The following TOX variants were observed in gnomAD, a reference collection of about 807,000 sequenced individuals.
TOX encodes the protein thymocyte selection associated high mobility group box.
TOX carries 11 observed loss-of-function variants against 53.7 expected under a neutral mutation model. The ratio of observed to expected loss-of-function variants is 0.20; its 90% confidence interval spans 0.13 to 0.34. The LOEUF (loss-of-function observed/expected upper bound fraction) is 0.34. Ranked by LOEUF, TOX falls within the 10% of genes least tolerant of loss-of-function variation. TOX has a pLI of 1.00. For synonymous variants in TOX, 225 were observed against 245.3 expected, an observed-to-expected ratio of 0.92 and a Z score of 0.77; for missense variants, 570 against 664.6, an observed-to-expected ratio of 0.86 and a Z score of 1.56.
chr8:58,837,597 C>A (rs939477031), intron 5 of TOX, among the ~76,000 whole-genome samples: 4 of 152,156 alleles, frequency 2.6e-5, no homozygotes, highest in Non-Finnish European at 5.9e-5. Flanking sequence ...GGTGTAAATA[C>A]ATTTGGGGGA....
At chr8:59,101,477 A>G (rs3097194) in intron 1 of TOX, among the ~76,000 whole-genome samples, 1,641 of 152,276 alleles carry the variant, frequency 0.011, 20 homozygotes, top group Middle Eastern at 0.041. Flanking sequence ...CTTAGTCATT[A>G]ATTTTTCATT....
intron 3 of TOX, among the ~76,000 whole-genome samples, chr8:58,855,536 C>T (rs1444443946): frequency 1.3e-5 from 2 of 152,170 alleles, no homozygotes; most frequent in African/African-American, 2.4e-5. Flanking sequence ...TTATTTCCAT[C>T]TGCCCTTCCA....
At position 59,069,602 on chromosome 8, in the gene TOX, C is replaced by G. The variant is rs150157824; in HGVS notation, c.102+49284G>C. On this transcript the variant is annotated intron_variant, in intron 1 of 8. Coordinates refer to ENST00000361421, the MANE Select transcript of TOX (RefSeq NM_014729.3). ...AGACCAGCCCCAGGGAATGTCGGCA[C>G]TTATGATGATGGCTCTTAACCACAC... 1.6e-4 allele frequency among the ~76,000 whole-genome samples: 24 copies of G among 152,296 alleles called. No homozygotes were observed. In the East Asian group the frequency reaches 4.4e-3, roughly 28 times the overall value.
intron 3 of TOX, among the ~76,000 whole-genome samples, chr8:58,894,267 T>C (rs12675853): frequency 0.95 from 144,402 of 152,300 alleles, 68,533 homozygotes; most frequent in East Asian, 1. Flanking sequence ...GTGCAGGTAC[T>C]GCACAAACAT....
At chr8:59,104,586 T>A (rs1435077894) in intron 1 of TOX, among the ~76,000 whole-genome samples, 1 of 152,216 alleles carries the variant, frequency 6.6e-6, no homozygotes, top group East Asian at 1.9e-4. Flanking sequence ...CCAATTTAAA[T>A]GTTGAATTAT....
intron 1 of TOX, among the ~76,000 whole-genome samples, chr8:59,081,384 T>A (rs1447631504): frequency 6.6e-6 from 1 of 152,148 alleles, no homozygotes; most frequent in Non-Finnish European, 1.5e-5. Context: ...GTTTTCAAGT[T>A]AATTCGGGAT....
chr8:58,989,332 T>C (rs999340924), intron 1 of TOX, among the ~76,000 whole-genome samples: 3 of 151,952 alleles, frequency 2.0e-5, no homozygotes, highest in Non-Finnish European at 4.4e-5. Flanking sequence ...AAAAAAACTT[T>C]AGAAAACATA....
intron 1 of TOX, among the ~76,000 whole-genome samples, chr8:59,022,096 C>A (rs1401204263): frequency 6.6e-6 from 1 of 152,092 alleles, no homozygotes; most frequent in Admixed American, 6.6e-5. Flanking sequence ...TTAAGTTGCA[C>A]CCCTGATTAA....
chr8:58,914,093 T>G (rs554845615), intron 3 of TOX, among the ~76,000 whole-genome samples: 25 of 152,326 alleles, frequency 1.6e-4, no homozygotes, highest in Non-Finnish European at 3.4e-4. Flanking sequence ...AGGAAAACAG[T>G]GAAGGTCATA....
chr8:59,010,933 AT>A (rs1229818184), intron 1 of TOX, among the ~76,000 whole-genome samples: 1 of 152,218 alleles, frequency 6.6e-6, no homozygotes, highest in Non-Finnish European at 1.5e-5. Flanking sequence ...GCATAGCTGA[AT>A]CACAGTCATA....
Position 58,939,542 on chromosome 8 carries a change from G to A in TOX, c.171C>T (p.Ser57=). The A allele has an allele frequency of 6.2e-7, 1 of 1,604,762 alleles. No individual in the cohort carries two copies. Among genetic ancestry groups the A allele is most frequent in the African/African-American group, 1.3e-5 (1 of 74,692 alleles). ...PSQDYVPASQ[S]YPGPSLESED... ...CACTTTCCAGGCTTGGACCAGGGTA[G>A]GACTGTGAAAAGACAAAAGTGACAT... The change falls in exon 3 of 9, where the codon TCC becomes TCT. Residue 57 remains serine (S), a splice_region_variant and synonymous_variant. Transcript: ENST00000361421.
At chr8:58,826,264 A>G (rs1200571834) in intron 6 of TOX, among the ~76,000 whole-genome samples, 1 of 152,226 alleles carries the variant, frequency 6.6e-6, no homozygotes, top group African/African-American at 2.4e-5. Context: ...GAAGAATTCC[A>G]TAACGGGAAT....
chr8:59,074,699 G>A (rs1804262304), intron 1 of TOX, among the ~76,000 whole-genome samples: 1 of 152,146 alleles, frequency 6.6e-6, no homozygotes, highest in Admixed American at 6.5e-5. Flanking sequence ...AAGTTCAGAA[G>A]GAAAATGAGG....
chr8:58,969,231 G>T (rs1029117444), intron 1 of TOX, among the ~76,000 whole-genome samples: 1 of 152,086 alleles, frequency 6.6e-6, no homozygotes, highest in African/African-American at 2.4e-5. Context: ...TTTTTTAAGA[G>T]ATATTTGACA....
chr8:58,935,970 G>C (rs903082191), intron 3 of TOX, among the ~76,000 whole-genome samples: 1 of 152,060 alleles, frequency 6.6e-6, no homozygotes, highest in Non-Finnish European at 1.5e-5. Flanking sequence ...CTAGTTCCTC[G>C]GCACCTCTTA....
chr8:58,822,560 A>G (rs1238851659), intron 6 of TOX, among the ~76,000 whole-genome samples: 1 of 152,230 alleles, frequency 6.6e-6, no homozygotes, highest in Non-Finnish European at 1.5e-5. Context: ...CAGCTGGAAT[A>G]GCATGGCAGA....
At position 59,040,191 on chromosome 8, in the gene TOX, T is replaced by C. The variant is rs565347559; in HGVS notation, c.102+78695A>G. On this transcript the variant is annotated intron_variant, in intron 1 of 8. Coordinates refer to ENST00000361421, the MANE Select transcript of TOX (RefSeq NM_014729.3). ...AAAAATACAAAAAATTAGCCGGGCG[T>C]AGTGGCGGGCGCCTGTAGTCCCAGC... 4.6e-5 allele frequency among the ~76,000 whole-genome samples: 7 copies of C among 150,870 alleles called. No homozygotes were observed. In the South Asian group the frequency reaches 1.5e-3, roughly 32 times the overall value.
At chr8:58,978,111 G>A (rs1035076340) in intron 1 of TOX, among the ~76,000 whole-genome samples, 25 of 152,216 alleles carry the variant, frequency 1.6e-4, no homozygotes, top group Non-Finnish European at 3.5e-4. Context: ...AATTTAATGG[G>A]TTAATAACAT....
chr8:59,050,193 C>G (rs745839255), intron 1 of TOX, among the ~76,000 whole-genome samples: 5 of 152,054 alleles, frequency 3.3e-5, no homozygotes, highest in Non-Finnish European at 5.9e-5. Context: ...GTTCTATTGT[C>G]AAAGTTTATT....
Sources: gnomAD v4.1 joint callset for allele counts (sites outside exome capture counted in the v4.1 genomes callset) on GRCh38, gnomAD v4.1.1 for gene constraint, MANE v1.5 for transcripts, NCBI Gene and HGNC (gene_info 2026-07-23, HGNC 2026-07-21) for gene names.